Variants in PTPRG observed in about 807,000 individuals in gnomAD.
PTPRG encodes the protein receptor-type tyrosine-protein phosphatase gamma.
PTPRG carries 102 observed loss-of-function variants against 165.3 expected under a neutral mutation model. The observed-to-expected ratio is 0.62, with a 90% CI of 0.53 to 0.73. The LOEUF (loss-of-function observed/expected upper bound fraction) is 0.73. Ranked by LOEUF, PTPRG falls within the 30% of genes least tolerant of loss-of-function variation. The probability of loss-of-function intolerance (pLI) is 0.00; values close to 1 mark genes in which losing one functional copy is unlikely to be tolerated. For synonymous variants in PTPRG, 675 were observed against 669.5 expected, an observed-to-expected ratio of 1.01 and a Z score of -0.13; for missense variants, 1,866 against 1,861.4, an observed-to-expected ratio of 1.00 and a Z score of -0.05.
At chr3:61,905,078 C>G (rs1172152342) in intron 2 of PTPRG, among the ~76,000 whole-genome samples, 2 of 152,096 alleles carry the variant, frequency 1.3e-5, no homozygotes, top group East Asian at 1.9e-4. Context: ...CTTCATTCTC[C>G]CTGCTCGAAA....
Position 61,743,067 on chromosome 3 carries a change from C to T in PTPRG, c.86-5811C>T, listed in dbSNP as rs2033060123. 9.4e-6 allele frequency: 15 copies of T among 1,591,998 alleles called. No homozygotes were observed. The South Asian group carries it at 1.0e-4, about 11-fold the overall frequency. On this transcript the variant is annotated intron_variant, in intron 1 of 29. Coordinates refer to ENST00000474889, the MANE Select transcript of PTPRG (RefSeq NM_002841.4). ...GCTGGTTCCGGTGCAGGACTTCCCG[C>T]ACCGCCTCGTACAGGGTGTTGCGAG...
chr3:61,993,915 C>T (rs372562163), intron 3 of PTPRG, among the ~76,000 whole-genome samples: 63 of 152,038 alleles, frequency 4.1e-4, no homozygotes, highest in African/African-American at 1.4e-3. Context: ...TCCCATAAAA[C>T]AGCTTAAATG....
intron 2 of PTPRG, among the ~76,000 whole-genome samples, chr3:61,877,419 G>T (rs975527711): frequency 2.0e-5 from 3 of 152,134 alleles, no homozygotes; most frequent in Non-Finnish European, 4.4e-5. Context: ...ACCGGCAGGG[G>T]GTTAATAAGT....
chr3:61,753,584 G>GT, intron 2 of PTPRG: 1 of 350,940 alleles, frequency 2.8e-6, no homozygotes, highest in Non-Finnish European at 5.4e-6. Flanking sequence ...GAAATTTGAG[G>GT]GTTTTTTTTT....
chr3:61,770,080 T>A (rs2034162379), intron 2 of PTPRG: 1 of 152,196 alleles, frequency 6.6e-6, no homozygotes, highest in South Asian at 2.1e-4. Context: ...AGTGGGCGGA[T>A]TTTAAGTGTT....
chr3:62,282,389 AT>A (rs141570014), intron 27 of PTPRG, among the ~76,000 whole-genome samples: 2,955 of 143,468 alleles, frequency 0.021, 67 homozygotes, highest in African/African-American at 0.06. Flanking sequence ...TGACTAGTTA[AT>A]TTTTTTTTTT....
Position 62,243,909 on chromosome 3 carries a change from C to T in PTPRG, c.2467+11C>T. The stretch of plus-strand genomic sequence containing the variant: ...TTATTCCTATTCCGGGTAAGTAAGA[C>T]ACTGCTCTTATTTCCAATGGGCTAA... On this transcript the variant is annotated intron_variant, in intron 15 of 29. Transcript: ENST00000474889. The T allele has an allele frequency of 7.1e-7, 1 of 1,407,490 alleles. No individual in the cohort carries two copies. Among genetic ancestry groups the T allele is most frequent in the Non-Finnish European group, 1.0e-6 (1 of 1,001,714 alleles). 87.2% of individuals were successfully genotyped at this position (1,407,490 alleles called of 1,614,324 possible).
chr3:62,053,705 A>G (rs990779244), intron 4 of PTPRG, among the ~76,000 whole-genome samples: 5 of 152,190 alleles, frequency 3.3e-5, no homozygotes, highest in African/African-American at 1.2e-4. Flanking sequence ...AGTAAGTTAT[A>G]TTGAGGGACC....
intron 2 of PTPRG, among the ~76,000 whole-genome samples, chr3:61,931,551 C>T (rs2039361270): frequency 6.6e-6 from 1 of 152,160 alleles, no homozygotes; most frequent in Admixed American, 6.5e-5. Context: ...GTCCCGGGCC[C>T]AAATGGGTTA....
intron 2 of PTPRG, among the ~76,000 whole-genome samples, chr3:61,885,512 T>G (rs1484600624): frequency 6.6e-6 from 1 of 151,424 alleles, no homozygotes; most frequent in East Asian, 2.0e-4. Context: ...CTCTCACATT[T>G]AACCCCAATA....
intron 2 of PTPRG, among the ~76,000 whole-genome samples, chr3:61,821,994 A>G (rs113706883): frequency 2.0e-4 from 31 of 152,356 alleles, no homozygotes; most frequent in South Asian, 6.2e-4. Context: ...ATAGTAATCT[A>G]TCTTCCTCCT....
At chr3:61,816,222 A>G (rs2035758258) in intron 2 of PTPRG, among the ~76,000 whole-genome samples, 1 of 152,138 alleles carries the variant, frequency 6.6e-6, no homozygotes, top group South Asian at 2.1e-4. Context: ...GGCATTCTTG[A>G]ACAGAATTTC....
At chr3:61,691,051 C>G (rs1193279522) in intron 1 of PTPRG, among the ~76,000 whole-genome samples, 1 of 152,144 alleles carries the variant, frequency 6.6e-6, no homozygotes, top group Non-Finnish European at 1.5e-5. Flanking sequence ...GAATATTAGG[C>G]ACCCTCAAGT....
intron 2 of PTPRG, among the ~76,000 whole-genome samples, chr3:61,839,660 A>C (rs1462272709): frequency 1.3e-5 from 2 of 152,242 alleles, no homozygotes; most frequent in African/African-American, 4.8e-5. Context: ...AATGAAGTCT[A>C]TTTTAAGGTT....
At chr3:62,059,868 C>A (rs1421180812) in intron 4 of PTPRG, among the ~76,000 whole-genome samples, 1 of 152,162 alleles carries the variant, frequency 6.6e-6, no homozygotes, top group African/African-American at 2.4e-5. Context: ...TTGTTTGGCA[C>A]TTCTTGCTGC....
rs564183178 is a variant in PTPRG at position 62,124,126 on chromosome 3, A to G, written c.616-8476A>G. 3 of 574,980 alleles carry G rather than the reference A, an allele frequency of 5.2e-6. No individual in the cohort carries two copies. In the South Asian group the frequency reaches 7.3e-5, roughly 14 times the overall value. 35.6% of individuals were successfully genotyped at this position (574,980 alleles called of 1,614,324 possible). ...GTCCTCCTTGTGAAATGGTTGAAAA[A>G]TAAGTTCAGCGCTTAAAAGGTTCTG... On this transcript the variant is annotated intron_variant, in intron 5 of 29. Coordinates refer to ENST00000474889, the MANE Select transcript of PTPRG (RefSeq NM_002841.4).
At chr3:61,670,954 G>T (rs191913057) in intron 1 of PTPRG, among the ~76,000 whole-genome samples, 56 of 152,178 alleles carry the variant, frequency 3.7e-4, no homozygotes, top group African/African-American at 1.3e-3. Flanking sequence ...GGAGCGATCA[G>T]GTTAGGTGAG....
At chr3:62,060,839 T>C (rs914351271) in intron 4 of PTPRG, among the ~76,000 whole-genome samples, 3 of 152,228 alleles carry the variant, frequency 2.0e-5, no homozygotes, top group Non-Finnish European at 2.9e-5. Context: ...CTGCCCTCCT[T>C]TATCTGAAAT....
At chr3:61,876,857 T>C (rs948656799) in intron 2 of PTPRG, among the ~76,000 whole-genome samples, 2 of 152,234 alleles carry the variant, frequency 1.3e-5, no homozygotes, top group Admixed American at 6.5e-5. Flanking sequence ...CTGCCTAATA[T>C]CATTTATCTG....
Sources: gnomAD v4.1 joint callset for allele counts (sites outside exome capture counted in the v4.1 genomes callset) on GRCh38, gnomAD v4.1.1 for gene constraint, MANE v1.5 for transcripts, NCBI Gene and HGNC (gene_info 2026-07-23, HGNC 2026-07-21) for gene names.